The following SNX6 variants were observed in gnomAD, a reference collection of about 807,000 sequenced individuals.
SNX6 encodes the protein sorting nexin-6.
SNX6 carries 34 observed loss-of-function variants against 63.0 expected under a neutral mutation model. The observed-to-expected ratio is 0.54, with a 90% CI of 0.41 to 0.72. The LOEUF is 0.72. Among genes scored for constraint, SNX6 ranks in the 30% least tolerant of loss-of-function variants. SNX6 has a pLI of 0.00. For synonymous variants in SNX6, 170 were observed against 164.2 expected, an observed-to-expected ratio of 1.04 and a Z score of -0.27; for missense variants, 398 against 471.4, an observed-to-expected ratio of 0.84 and a Z score of 1.44.
intron 2 of SNX6, among the ~76,000 whole-genome samples, chr14:34,621,653 T>C (rs1459407014): frequency 6.6e-6 from 1 of 152,204 alleles, no homozygotes; most frequent in Non-Finnish European, 1.5e-5. Flanking sequence ...ACCAGACTTA[T>C]GACCTAACCT....
At chr14:34,603,248 T>C in intron 6 of SNX6, 100 bp downstream of exon 6, 1 of 1,180,638 alleles carries the variant, frequency 8.5e-7, no homozygotes, top group Non-Finnish European at 1.1e-6. Flanking sequence ...ACTATGCCAC[T>C]GTACTCCAGC....
chr14:34,609,834 A>G (rs1883157284), intron 2 of SNX6, 92 bp from the exon 3 acceptor site: 2 of 819,558 alleles, frequency 2.4e-6, no homozygotes, highest in Non-Finnish European at 2.0e-6. Context: ...AACAAAAATA[A>G]CAAAAGATTA....
chr14:34,602,479 T>C (rs1207155594), intron 6 of SNX6, among the ~76,000 whole-genome samples: 5 of 148,078 alleles, frequency 3.4e-5, no homozygotes, highest in Non-Finnish European at 7.4e-5. Context: ...TAGTCCCAGC[T>C]ACTTGGGAGG....
chr14:34,573,358 T>C (rs558597246), intron 11 of SNX6, among the ~76,000 whole-genome samples: 1 of 152,104 alleles, frequency 6.6e-6, no homozygotes, highest in Admixed American at 6.6e-5. Flanking sequence ...GTGGATCACT[T>C]AAGGTAAGGA....
intron 8 of SNX6, among the ~76,000 whole-genome samples, chr14:34,591,187 A>G (rs1251667035): frequency 6.6e-6 from 1 of 151,714 alleles, no homozygotes; most frequent in Non-Finnish European, 1.5e-5. Context: ...GTACACTTTG[A>G]TTACTGCAGC....
chr14:34,575,214 T>TTTG (rs1392933034), intron 11 of SNX6, among the ~76,000 whole-genome samples: 7 of 150,568 alleles, frequency 4.6e-5, no homozygotes, highest in Admixed American at 2.7e-4. Flanking sequence ...TTTTTTTTTT[T>TTTG]TGAGACAGAG....
In SNX6 at chr14:34,563,018, CTTTT is replaced by C. The variant is rs1262411612; in HGVS notation, c.*100_*103del. On this transcript the variant is annotated 3_prime_UTR_variant, in exon 14 of 14. Transcript: ENST00000362031. ...AGGAGTTGATGCACTTTTTCAGCTG[CTTTT>C]TGTTTGTTTCCAGTGAGCATAAATG... The C allele has an allele frequency of 8.3e-7, 1 of 1,198,520 alleles. No individual in the cohort carries two copies. Among genetic ancestry groups the C allele is most frequent in the East Asian group, 2.4e-5 (1 of 42,492 alleles). 74.2% of individuals were successfully genotyped at this position (1,198,520 alleles called of 1,614,324 possible). A position where few individuals can be genotyped will look rare whatever the true frequency, so the allele number is the denominator to read the frequency against.
At position 34,563,015 on chromosome 14, in the gene SNX6, C is replaced by T. The variant is rs1880999221; in HGVS notation, c.*107G>A. On this transcript the variant is annotated 3_prime_UTR_variant, in exon 14 of 14. Coordinates refer to ENST00000362031, the MANE Select transcript of SNX6 (RefSeq NM_152233.4). ...AAGAGGAGTTGATGCACTTTTTCAG[C>T]TGCTTTTTGTTTGTTTCCAGTGAGC... The T allele has an allele frequency of 8.7e-7, 1 of 1,152,880 alleles. No individual in the cohort carries two copies. Among genetic ancestry groups the T allele is most frequent in the African/African-American group, 1.5e-5 (1 of 64,608 alleles). 71.4% of individuals were successfully genotyped at this position (1,152,880 alleles called of 1,614,324 possible).
At chr14:34,602,136 A>C (rs1363696219) in intron 6 of SNX6, among the ~76,000 whole-genome samples, 1 of 151,654 alleles carries the variant, frequency 6.6e-6, no homozygotes, top group Non-Finnish European at 1.5e-5. Context: ...CTAAAAATAC[A>C]AAAATTAGGC....
intron 4 of SNX6, among the ~76,000 whole-genome samples, chr14:34,607,777 G>A (rs1443918836): frequency 6.6e-6 from 1 of 152,006 alleles, no homozygotes; most frequent in Non-Finnish European, 1.5e-5. Context: ...GTGTGTTGGT[G>A]CATTATTGTA....
In SNX6 at chr14:34,567,715, G is replaced by A. The variant is rs746481560; in HGVS notation, c.1138C>T (p.Leu380=). The change falls in exon 13 of 14, where the codon CTG becomes TTG. Residue 380 remains leucine (L), a synonymous_variant. Transcript: ENST00000362031. ...GCATGCTTCAGTTCTAACTCTGCCA[G>A]TTCCACTAAATTTTTTCTGAATGCA... ...VAAFRKNLVE[L]AELELKHAKG... is the part of the protein sequence containing the mutation. 1 of 1,613,732 alleles carries A rather than the reference G, an allele frequency of 6.2e-7. No individual in the cohort carries two copies. The highest frequency in any genetic ancestry group is 1.1e-5 in the South Asian group (1 of 91,066).
intron 9 of SNX6, among the ~76,000 whole-genome samples, chr14:34,582,079 G>A (rs1026453106): frequency 5.7e-4 from 87 of 151,356 alleles, no homozygotes; most frequent in African/African-American, 1.9e-3. Flanking sequence ...CGCCCGCCTC[G>A]GCCTCCCAAA....
At chr14:34,577,286 G>C (rs1881749417) in intron 10 of SNX6, among the ~76,000 whole-genome samples, 1 of 151,538 alleles carries the variant, frequency 6.6e-6, no homozygotes, top group Non-Finnish European at 1.5e-5. Context: ...ACGGGGTTTT[G>C]TCTTGTTAGC....
chr14:34,596,180 G>A (rs1022884227), intron 7 of SNX6, among the ~76,000 whole-genome samples: 4 of 150,778 alleles, frequency 2.7e-5, no homozygotes, highest in East Asian at 2.0e-4. Flanking sequence ...TCGCGCCACC[G>A]CACTCCAGCC....
chr14:34,585,492 C>T (rs1320123872), intron 9 of SNX6, among the ~76,000 whole-genome samples: 1 of 152,084 alleles, frequency 6.6e-6, no homozygotes. Flanking sequence ...TGCACTCCAG[C>T]CTGGGTGACA....
chr14:34,597,698 T>C (rs1490105760), intron 6 of SNX6, 53 bp from the exon 7 acceptor site: 1 of 946,152 alleles, frequency 1.1e-6, no homozygotes, highest in Non-Finnish European at 1.6e-6. Flanking sequence ...AAGCAGTGCC[T>C]CCTTTATTCT....
At chr14:34,602,616 C>T (rs1364353105) in intron 6 of SNX6, among the ~76,000 whole-genome samples, 2 of 147,592 alleles carry the variant, frequency 1.4e-5, no homozygotes, top group African/African-American at 5.0e-5. Flanking sequence ...AAGAAAAATA[C>T]AAACATTCTA....
Position 34,609,247 on chromosome 14 carries a change from C to T in SNX6, c.159+391G>A, listed in dbSNP as rs1284986799. 5.3e-5 allele frequency among the ~76,000 whole-genome samples: 8 copies of T among 151,766 alleles called. No individual in the cohort carries two copies. The East Asian group carries it at 7.8e-4, about 15-fold the overall frequency. ...ACGCCTGTAATCCCAGCACTTTGGG[C>T]GGATAACAAGGTTGGAGATCGAGAC... On this transcript the variant is annotated intron_variant, in intron 3 of 13. Coordinates refer to ENST00000362031, the MANE Select transcript of SNX6 (RefSeq NM_152233.4).
chr14:34,574,131 T>G (rs1881579973), intron 11 of SNX6, among the ~76,000 whole-genome samples: 1 of 146,676 alleles, frequency 6.8e-6, no homozygotes, highest in African/African-American at 2.5e-5. Context: ...GGGTCAGGAG[T>G]TCGAGACCAG....
Sources: allele counts gnomAD v4.1 joint callset (sites outside exome capture counted in the v4.1 genomes callset), GRCh38; gene constraint gnomAD v4.1.1; transcripts MANE v1.5; gene names NCBI Gene and HGNC (gene_info 2026-07-23, HGNC 2026-07-21).